SKP2: variants seen among roughly 807,000 people sequenced by gnomAD.
SKP2 encodes S-phase kinase associated protein 2, also known as S-phase kinase-associated protein 2.
In SKP2, 16 loss-of-function variants were observed where a neutral mutation model predicts 51.8. The observed-to-expected ratio is 0.31, with a 90% CI of 0.21 to 0.47. SKP2 has a LOEUF of 0.47. Among genes scored for constraint, SKP2 ranks in the 20% least tolerant of loss-of-function variants. The probability of loss-of-function intolerance (pLI) is 1.00; values close to 1 mark genes in which losing one functional copy is unlikely to be tolerated. For missense variants in SKP2, 377 were observed against 505.3 expected, an observed-to-expected ratio of 0.75 and a Z score of 2.43; for synonymous variants, 176 against 198.6, an observed-to-expected ratio of 0.89 and a Z score of 0.96.
intron 7 of SKP2, among the ~76,000 whole-genome samples, chr5:36,175,566 AACAC>A (rs1469220055): frequency 6.6e-6 from 1 of 151,984 alleles, no homozygotes; most frequent in Non-Finnish European, 1.5e-5. Flanking sequence ...CTGTAATCCA[AACAC>A]CCTTGAATAC....
chr5:36,188,249 T>C (rs559459581), downstream of SKP2, among the ~76,000 whole-genome samples: 20 of 152,362 alleles, frequency 1.3e-4, no homozygotes, highest in Non-Finnish European at 2.4e-4. Context: ...AATATTGTTA[T>C]TTGTGAATTT....
chr5:36,162,092 C>T (rs1165747742), intron 2 of SKP2, among the ~76,000 whole-genome samples: 1 of 152,182 alleles, frequency 6.6e-6, no homozygotes, highest in African/African-American at 2.4e-5. Context: ...CTGTTCTAAA[C>T]ACAGCAGCCA....
At chr5:36,159,195 A>C (rs78501513) in intron 2 of SKP2, among the ~76,000 whole-genome samples, 18,314 of 152,092 alleles carry the variant, frequency 0.12, 1,342 homozygotes, top group African/African-American at 0.19. Context: ...CAAAGATGGA[A>C]GTTGCAACAC....
At chr5:36,160,250 G>T (rs1745082031) in intron 2 of SKP2, among the ~76,000 whole-genome samples, 1 of 152,174 alleles carries the variant, frequency 6.6e-6, no homozygotes, top group Non-Finnish European at 1.5e-5. Flanking sequence ...TATGGTGTCA[G>T]TATGATTTTT....
intron 2 of SKP2, among the ~76,000 whole-genome samples, chr5:36,158,815 C>G (rs1745033264): frequency 6.6e-6 from 1 of 152,138 alleles, no homozygotes; most frequent in East Asian, 1.9e-4. Context: ...ATCATAGTTG[C>G]ATGTTTTCTT....
intron 6 of SKP2, 96 bp downstream of exon 6, chr5:36,170,538 TG>T: frequency 1.4e-6 from 1 of 721,756 alleles, no homozygotes; most frequent in South Asian, 2.1e-5. Flanking sequence ...TTGAGCTTTT[TG>T]TACTTTCCAG....
At chr5:36,153,132 G>A in intron 2 of SKP2, 90 bp downstream of exon 2, 1 of 1,309,720 alleles carries the variant, frequency 7.6e-7, no homozygotes, top group Middle Eastern at 1.9e-4. Context: ...CTTTAGCATG[G>A]GTTCCTTTTA....
chr5:36,153,255 T>C (rs1182296949), intron 2 of SKP2, among the ~76,000 whole-genome samples: 1 of 151,596 alleles, frequency 6.6e-6, no homozygotes, highest in Non-Finnish European at 1.5e-5. Context: ...TATGTTCTGG[T>C]GCATAATCAC....
intron 9 of SKP2, chr5:36,180,110 C>A (rs1745757195): frequency 2.2e-6 from 1 of 463,394 alleles, no homozygotes; most frequent in Middle Eastern, 3.5e-4. Flanking sequence ...CCTCCTCTGC[C>A]ATCTGCCATT....
At chr5:36,185,472 G>A (rs1289414566), downstream of SKP2, among the ~76,000 whole-genome samples, 1 of 152,126 alleles carries the variant, frequency 6.6e-6, no homozygotes, top group African/African-American at 2.4e-5. Context: ...TCTACATATG[G>A]CTAGCCAGTT....
intron 9 of SKP2, among the ~76,000 whole-genome samples, chr5:36,178,903 A>G (rs1329637960): frequency 6.6e-6 from 1 of 152,164 alleles, no homozygotes. Flanking sequence ...TAATAGTAAT[A>G]GTAATTGCGA....
At chr5:36,164,544 C>T (rs888332871) in intron 3 of SKP2, among the ~76,000 whole-genome samples, 1 of 152,236 alleles carries the variant, frequency 6.6e-6, no homozygotes, top group African/African-American at 2.4e-5. Context: ...GGCCATCCGT[C>T]TGGCTTCTCC....
intron 9 of SKP2, among the ~76,000 whole-genome samples, chr5:36,181,581 T>G (rs182446498): frequency 6.6e-6 from 1 of 152,312 alleles, no homozygotes; most frequent in East Asian, 1.9e-4. Flanking sequence ...GTTTCTAAGG[T>G]TATTAGGAAC....
chr5:36,173,629 TTTCCC>T (rs1468121044), intron 7 of SKP2, among the ~76,000 whole-genome samples: 1 of 152,154 alleles, frequency 6.6e-6, no homozygotes, highest in African/African-American at 2.4e-5. Flanking sequence ...GCTTAAAATC[TTTCCC>T]TTTGTTCCTC....
chr5:36,180,353 C>A, intron 9 of SKP2: 1 of 853,800 alleles, frequency 1.2e-6, no homozygotes, highest in Non-Finnish European at 1.7e-6. Flanking sequence ...TTTCTACATT[C>A]CAGAAAGCAG....
intron 3 of SKP2, 111 bp downstream of exon 3, chr5:36,163,867 A>T: frequency 1.5e-6 from 1 of 678,830 alleles, no homozygotes; most frequent in East Asian, 2.6e-5. Flanking sequence ...AGCAGCGCAA[A>T]GCAAACTAGG....
intron 7 of SKP2, among the ~76,000 whole-genome samples, chr5:36,172,990 A>G (rs997557916): frequency 3.9e-5 from 6 of 152,180 alleles, no homozygotes; most frequent in Non-Finnish European, 8.8e-5. Flanking sequence ...GAAAAACACA[A>G]AGGGAAGCAA....
At chr5:36,165,799 T>G (rs1745265630) in intron 3 of SKP2, among the ~76,000 whole-genome samples, 1 of 152,232 alleles carries the variant, frequency 6.6e-6, no homozygotes, top group Non-Finnish European at 1.5e-5. Context: ...TTTCTTTTTT[T>G]AAATTGAATT....
Position 36,183,962 on chromosome 5 carries a change from G to C in SKP2, c.*1931G>C, listed in dbSNP as rs746936913. The C allele has an allele frequency of 6.2e-7, 1 of 1,608,216 alleles. No homozygotes were observed. Among genetic ancestry groups the C allele is most frequent in the East Asian group, 2.2e-5 (1 of 44,594 alleles). On this transcript the variant is annotated 3_prime_UTR_variant, in exon 10 of 10. Coordinates refer to ENST00000274255, the MANE Select transcript of SKP2 (RefSeq NM_005983.4). ...TTTTGCCAACATGTCAGAGTAATCTGTATTTTTGTATGTGATTTCTACTTT... is the reference window on the plus strand; with the variant it reads ...TTTTGCCAACATGTCAGAGTAATCTCTATTTTTGTATGTGATTTCTACTTT...
Sources: allele counts gnomAD v4.1 joint callset (sites outside exome capture counted in the v4.1 genomes callset), GRCh38; gene constraint gnomAD v4.1.1; transcripts MANE v1.5; gene names NCBI Gene and HGNC (gene_info 2026-07-23, HGNC 2026-07-21).